The following GRIK4 variants were observed in gnomAD, a reference collection of about 807,000 sequenced individuals.
GRIK4 encodes glutamate receptor ionotropic, kainate 4.
In GRIK4, 40 loss-of-function variants were observed where a neutral mutation model predicts 104.9. The observed-to-expected ratio is 0.38, with a 90% CI of 0.30 to 0.50. GRIK4 has a LOEUF of 0.50. Ranked by LOEUF, GRIK4 falls within the 20% of genes least tolerant of loss-of-function variation. The pLI, the probability that GRIK4 is intolerant of heterozygous loss-of-function variation, is 0.93. For synonymous variants in GRIK4, 485 were observed against 524.9 expected, an observed-to-expected ratio of 0.92 and a Z score of 1.04; for missense variants, 1,047 against 1,308.1, an observed-to-expected ratio of 0.80 and a Z score of 3.08.
At chr11:120,609,580 T>TCTCG (rs1949007628) in intron 1 of GRIK4, among the ~76,000 whole-genome samples, 1 of 133,564 alleles carries the variant, frequency 7.5e-6, no homozygotes, top group Non-Finnish European at 1.5e-5. Context: ...AGGCTGGAGG[T>TCTCG]CTCGGTTCAC....
At chr11:120,881,161 C>T (rs575754751) in intron 11 of GRIK4, among the ~76,000 whole-genome samples, 7 of 152,364 alleles carry the variant, frequency 4.6e-5, no homozygotes, top group Non-Finnish European at 7.3e-5. Context: ...CTGAACAGCA[C>T]AGAGCTGAGA....
chr11:120,674,880 G>A (rs966912490), intron 3 of GRIK4, among the ~76,000 whole-genome samples: 2 of 152,218 alleles, frequency 1.3e-5, no homozygotes, highest in Admixed American at 6.5e-5. Context: ...AGACCTCTGG[G>A]CAGCCACCCA....
intron 3 of GRIK4, among the ~76,000 whole-genome samples, chr11:120,665,209 T>C (rs1326976147): frequency 6.6e-6 from 1 of 152,166 alleles, no homozygotes; most frequent in Non-Finnish European, 1.5e-5. Context: ...GATTCAAATA[T>C]ACCAGCTGAA....
intron 5 of GRIK4, among the ~76,000 whole-genome samples, chr11:120,816,250 T>A (rs1255119749): frequency 3.9e-5 from 6 of 152,182 alleles, no homozygotes; most frequent in African/African-American, 1.2e-4. Flanking sequence ...TCTTTCCTGG[T>A]CCTTCCTGGA....
At chr11:120,526,259 T>A (rs1243266574) in intron 1 of GRIK4, among the ~76,000 whole-genome samples, 2 of 152,168 alleles carry the variant, frequency 1.3e-5, no homozygotes, top group African/African-American at 4.8e-5. Flanking sequence ...TGGAGTGCGG[T>A]GGCATGATCT....
chr11:120,597,455 G>T (rs1027035124), intron 1 of GRIK4, among the ~76,000 whole-genome samples: 7 of 152,214 alleles, frequency 4.6e-5, no homozygotes, highest in Non-Finnish European at 1.0e-4. Flanking sequence ...AACAGGTGAA[G>T]ATCTGACCTG....
chr11:120,517,807 G>A (rs1030939480), intron 1 of GRIK4, among the ~76,000 whole-genome samples: 4 of 152,184 alleles, frequency 2.6e-5, no homozygotes, highest in Non-Finnish European at 5.9e-5. Flanking sequence ...AGGAGTCGTA[G>A]TGGTGGCCTG....
At position 120,670,847 on chromosome 11, in the gene GRIK4, C is replaced by G. The variant is rs1950004434; in HGVS notation, c.82+10447C>G. Among the ~76,000 whole-genome samples the G allele has an allele frequency of 1.3e-5, 2 of 152,088 alleles. 1 individual carries two copies. Among genetic ancestry groups the G allele is most frequent in the South Asian group, 4.1e-4 (2 of 4,820 alleles). ...ACTAGGCATTTCTTCTAATGCCATC[C>G]CTCCCCTTGTCCCCCACCCCTCGAC... On this transcript the variant is annotated intron_variant, in intron 3 of 20. Transcript: ENST00000527524.
intron 1 of GRIK4, among the ~76,000 whole-genome samples, chr11:120,651,830 C>T (rs1000740493): frequency 3.9e-5 from 6 of 152,216 alleles, no homozygotes; most frequent in Non-Finnish European, 8.8e-5. Context: ...TTGCTGGCCC[C>T]CTTATTCAGC....
At chr11:120,512,976 G>A (rs1591666169) in intron 1 of GRIK4, among the ~76,000 whole-genome samples, 7 of 152,166 alleles carry the variant, frequency 4.6e-5, no homozygotes, top group Admixed American at 3.9e-4. Flanking sequence ...CTTGGGCTGC[G>A]TGGCTCTTGG....
intron 1 of GRIK4, among the ~76,000 whole-genome samples, chr11:120,623,746 A>T (rs1262463881): frequency 6.6e-6 from 1 of 152,174 alleles, no homozygotes; most frequent in Admixed American, 6.5e-5. Flanking sequence ...ATTCCTTCCC[A>T]TCAGAAAGTG....
At chr11:120,936,171 G>T in intron 13 of GRIK4, 1 of 215,834 alleles carries the variant, frequency 4.6e-6, no homozygotes, top group Non-Finnish European at 9.5e-6. Flanking sequence ...CTTTCTTTTA[G>T]CTCAGTTTGC....
intron 1 of GRIK4, among the ~76,000 whole-genome samples, chr11:120,565,569 T>C (rs1948310706): frequency 6.6e-6 from 1 of 152,182 alleles, no homozygotes; most frequent in Non-Finnish European, 1.5e-5. Flanking sequence ...TAAAGGAATA[T>C]AAAGCGTTTT....
At chr11:120,560,938 C>T (rs181810275) in intron 1 of GRIK4, among the ~76,000 whole-genome samples, 2 of 152,340 alleles carry the variant, frequency 1.3e-5, no homozygotes, top group East Asian at 3.9e-4. Context: ...CTCCTTCCCC[C>T]CTTCCACGCC....
intron 1 of GRIK4, among the ~76,000 whole-genome samples, chr11:120,577,770 G>A (rs1948504457): frequency 6.6e-6 from 1 of 152,212 alleles, no homozygotes; most frequent in Non-Finnish European, 1.5e-5. Flanking sequence ...AGTATCTGCT[G>A]GACAGAGCCC....
intron 20 of GRIK4, among the ~76,000 whole-genome samples, chr11:120,984,768 TA>T (rs981875322): frequency 7.0e-6 from 1 of 143,494 alleles, no homozygotes; most frequent in South Asian, 2.3e-4. Flanking sequence ...GACTCTTGTC[TA>T]AAAAAAACCA....
chr11:120,537,424 G>A (rs1303901954), intron 1 of GRIK4, among the ~76,000 whole-genome samples: 4 of 152,184 alleles, frequency 2.6e-5, no homozygotes, highest in African/African-American at 7.2e-5. Flanking sequence ...ATCCTTAATA[G>A]GGATGTCTCC....
At chr11:120,740,716 C>T (rs147569525) in intron 3 of GRIK4, among the ~76,000 whole-genome samples, 41 of 152,314 alleles carry the variant, frequency 2.7e-4, no homozygotes, top group African/African-American at 9.6e-4. Context: ...GGAATGGGAG[C>T]ATTGTCCCTT....
At position 120,918,544 on chromosome 11, in the gene GRIK4, C is replaced by T. The variant is rs137949151; in HGVS notation, c.1476+13051C>T. ...TGGGGTGTGAAACCCAGCCCTCACT[C>T]TGCTCACCAAACACGTGCTCTGGGA... On this transcript the variant is annotated intron_variant, in intron 13 of 20. Coordinates refer to ENST00000527524, the MANE Select transcript of GRIK4 (RefSeq NM_014619.5). Among the ~76,000 whole-genome samples, 378 of 152,326 alleles carry T rather than the reference C, an allele frequency of 2.5e-3. 2 individuals carry two copies. Among genetic ancestry groups the T allele is most frequent in the African/African-American group, 8.3e-3 (347 of 41,582 alleles).
Sources: allele counts gnomAD v4.1 joint callset (sites outside exome capture counted in the v4.1 genomes callset), GRCh38; gene constraint gnomAD v4.1.1; transcripts MANE v1.5; gene names NCBI Gene and HGNC (gene_info 2026-07-23, HGNC 2026-07-21).